Variants in ZNF12 observed in about 807,000 individuals in gnomAD.
The protein encoded by ZNF12 is gonadotropin inducible transcription repressor 3.
A neutral mutation model predicts 66.6 loss-of-function variants in ZNF12; 34 were observed. That is an observed-to-expected ratio of 0.51 (90% CI 0.39 to 0.68). The LOEUF is 0.68. ZNF12 is among the 30% of genes least tolerant of loss of function. ZNF12 has a pLI of 0.00. For synonymous variants in ZNF12, 320 were observed against 278.9 expected, an observed-to-expected ratio of 1.15 and a Z score of -1.47; for missense variants, 697 against 826.9, an observed-to-expected ratio of 0.84 and a Z score of 1.93.
intron 2 of ZNF12, among the ~76,000 whole-genome samples, chr7:6,702,325 CCAGATTCGTCTCCCAA>C (rs1780260739): frequency 6.6e-4 from 7 of 10,634 alleles, no homozygotes; most frequent in African/African-American, 1.5e-3. Context: ...CACACACACA[CCAGATTCGTCTCCCAA>C]ACTACACACA....
chr7:6,706,189 G>C (rs567078316), intron 1 of ZNF12, among the ~76,000 whole-genome samples: 11 of 152,320 alleles, frequency 7.2e-5, no homozygotes, highest in African/African-American at 2.2e-4. Flanking sequence ...GCAATCTGGA[G>C]CAGAGAGAGG....
In ZNF12 at chr7:6,688,894, C is replaced by T. The variant is rs1009133729; in HGVS notation, c.*1954G>A. On this transcript the variant is annotated 3_prime_UTR_variant, in exon 5 of 5. Coordinates refer to ENST00000405858, the MANE Select transcript of ZNF12 (RefSeq NM_016265.4). This position sits in a 1 kb window ranked among gnomAD's most constrained non-coding sequence, Gnocchi z 4.3. Reference sequence around the variant, plus strand: ...AGGAGGTATGCCTAACATTGTGTCACGTTCCAAAGGTGAATTTTGCAGGTC... The same window carrying T: ...AGGAGGTATGCCTAACATTGTGTCATGTTCCAAAGGTGAATTTTGCAGGTC... The T allele has an allele frequency of 1.1e-4, 17 of 152,758 alleles. No individual in the cohort carries two copies. Among genetic ancestry groups the T allele is most frequent in the South Asian group, 4.1e-4 (2 of 4,830 alleles). 9.5% of individuals were successfully genotyped at this position (152,758 alleles called of 1,614,324 possible).
intron 1 of ZNF12, 149 bp downstream of exon 1, chr7:6,706,283 C>A (rs1350302732): frequency 4.9e-6 from 2 of 407,806 alleles, no homozygotes; most frequent in South Asian, 1.7e-5. Context: ...CCGTAAGCCT[C>A]GTCCTCGCCG....
In ZNF12 at chr7:6,691,843, G is replaced by T; in HGVS notation, c.1099C>A (p.His367Asn). 1 of 1,613,948 alleles carries T rather than the reference G, an allele frequency of 6.2e-7. No individual in the cohort carries two copies. ...YCGKSFCQKTHLTQHQRTHSG... is the reference protein window; with the variant it reads ...YCGKSFCQKTNLTQHQRTHSG... Reference sequence around the variant, plus strand: ...TGTGTTCTCTGATGTTGTGTGAGGTGTGTCTTCTGGCAAAAGGATTTTCCA... The same window carrying T: ...TGTGTTCTCTGATGTTGTGTGAGGTTTGTCTTCTGGCAAAAGGATTTTCCA... The change falls in exon 5 of 5, where the codon CAC becomes AAC. Residue 367 changes from histidine (H) to asparagine (N), a missense_variant. Coordinates refer to ENST00000405858, the MANE Select transcript of ZNF12 (RefSeq NM_016265.4).
intron 2 of ZNF12, among the ~76,000 whole-genome samples, chr7:6,702,325 C>CACACACACACACA (rs58794992): frequency 9.4e-5 from 1 of 10,658 alleles, no homozygotes; most frequent in African/African-American, 3.0e-4. Flanking sequence ...CACACACACA[C>CACACACACACACA]CAGATTCGTC....
rs887615607 is a variant in ZNF12 at position 6,696,643 on chromosome 7, C to T, written c.238+696G>A. Among the ~76,000 whole-genome samples, 1 of 152,208 alleles carries T rather than the reference C, an allele frequency of 6.6e-6. No individual in the cohort carries two copies. Among genetic ancestry groups the T allele is most frequent in the African/African-American group, 2.4e-5 (1 of 41,450 alleles). On this transcript the variant is annotated intron_variant, in intron 4 of 4. Transcript: ENST00000405858. The surrounding 1 kb of genome is among the most constrained non-coding windows in gnomAD (Gnocchi z 4.0). ...GGAGGTGGTGGAAGCATAAACCAGA[C>T]TTCATTTGCGTATATGATACTTACT...
intron 2 of ZNF12, among the ~76,000 whole-genome samples, chr7:6,701,426 C>A (rs1780241212): frequency 6.6e-6 from 1 of 152,200 alleles, no homozygotes; most frequent in African/African-American, 2.4e-5. Context: ...AGCCCCAGAA[C>A]AGCAGGTGTC....
chr7:6,698,646 T>C lies in ZNF12; in HGVS notation c.16-835A>G, dbSNP rs1780188369. Among the ~76,000 whole-genome samples, 1 of 152,226 alleles carries C rather than the reference T, an allele frequency of 6.6e-6. No individual in the cohort carries two copies. Among genetic ancestry groups the C allele is most frequent in the African/African-American group, 2.4e-5 (1 of 41,456 alleles). ...AGAATGCAGCCTGTCACATGAATTA[T>C]CAGTAATAGCTTGGTTCAGGTTTTC... On this transcript the variant is annotated intron_variant, in intron 2 of 4. Transcript: ENST00000405858. This position sits in a 1 kb window ranked among gnomAD's most constrained non-coding sequence, Gnocchi z 4.4.
Position 6,705,092 on chromosome 7 carries a change from C to G in ZNF12, c.15+67G>C. Reference sequence around the variant, plus strand: ...ACTTTCCCATTTTAAACTTTGAACCCTTAATCTCCTCCTAAGGTGTATTGT... The same window carrying G: ...ACTTTCCCATTTTAAACTTTGAACCGTTAATCTCCTCCTAAGGTGTATTGT... On this transcript the variant is annotated intron_variant, in intron 2 of 4. Coordinates refer to ENST00000405858, the MANE Select transcript of ZNF12 (RefSeq NM_016265.4). This position sits in a 1 kb window ranked among gnomAD's most constrained non-coding sequence, Gnocchi z 4.0. The G allele has an allele frequency of 6.4e-7, 1 of 1,566,162 alleles. No homozygotes were observed. Among genetic ancestry groups the G allele is most frequent in the South Asian group, 1.2e-5 (1 of 85,300 alleles).
At chr7:6,694,477 C>A (rs141679586) in intron 4 of ZNF12, among the ~76,000 whole-genome samples, 1 of 152,136 alleles carries the variant, frequency 6.6e-6, no homozygotes, top group Non-Finnish European at 1.5e-5. Context: ...TATTCCGTTG[C>A]AGGAAAAGCA....
At position 6,689,162 on chromosome 7, in the gene ZNF12, T is replaced by G. The variant is rs984945172; in HGVS notation, c.*1686A>C. The G allele has an allele frequency of 6.6e-6, 1 of 152,234 alleles. No homozygotes were observed. The highest frequency in any genetic ancestry group is 2.4e-5 in the African/African-American group (1 of 41,464). 9.4% of individuals were successfully genotyped at this position (152,234 alleles called of 1,614,324 possible). A position where few individuals can be genotyped will look rare whatever the true frequency, so the allele number is the denominator to read the frequency against. ...AAATCAACTGGCTTAAAAATAAGTT[T>G]AGTCTCTCACAAAAGAAACAGTCCA... On this transcript the variant is annotated 3_prime_UTR_variant, in exon 5 of 5. Transcript: ENST00000405858.
chr7:6,703,204 T>G (rs564044279), intron 2 of ZNF12, among the ~76,000 whole-genome samples: 2 of 152,304 alleles, frequency 1.3e-5, no homozygotes, highest in Admixed American at 6.5e-5. Flanking sequence ...GCAACCTCAT[T>G]TTCGTAGTAG....
rs760460255 is a variant in ZNF12 at position 6,691,026 on chromosome 7, CCA to C, written c.1914_1915del (p.Cys638TrpfsTer15). ...GTATGACATCCGAGAGAAGGCTTTT[CCA>C]CACTCATTACATTCAAAGGGTTTCT... is the stretch of plus-strand genomic sequence containing the variant. On this transcript the variant is annotated frameshift_variant, in exon 5 of 5. Transcript: ENST00000405858. LOFTEE classifies it high-confidence loss of function. The C allele has an allele frequency of 1.2e-6, 2 of 1,614,090 alleles. No individual in the cohort carries two copies. The highest frequency in any genetic ancestry group is 1.7e-6 in the Non-Finnish European group (2 of 1,180,000).
At chr7:6,704,564 A>C (rs1780317482) in intron 2 of ZNF12, among the ~76,000 whole-genome samples, 1 of 111,308 alleles carries the variant, frequency 9.0e-6, no homozygotes, top group African/African-American at 3.6e-5. Context: ...CCCTGTCTCT[A>C]CTTTAAAAAA....
intron 2 of ZNF12, among the ~76,000 whole-genome samples, chr7:6,703,130 G>A (rs1227137334): frequency 6.6e-6 from 1 of 152,004 alleles, no homozygotes; most frequent in African/African-American, 2.4e-5. Flanking sequence ...TTAAACATCT[G>A]AAACCTAATT....
At position 6,691,088 on chromosome 7, in the gene ZNF12, G is replaced by T. The variant is rs367745547; in HGVS notation, c.1854C>A (p.Ser618=). Residue 618 remains serine (S), a synonymous_variant, in exon 5 of 5, where the codon TCC becomes TCA. Coordinates refer to ENST00000405858, the MANE Select transcript of ZNF12 (RefSeq NM_016265.4). ...GAATTCGATGATGTATAGTGAGATA[G>T]GACATCTGAGAGAAGCACTTCCCAC... is the stretch of plus-strand genomic sequence containing the variant. The part of the protein sequence containing the change: ...YECGKCFSQM[S]YLTIHHRIHS... The T allele has an allele frequency of 1.2e-6, 2 of 1,613,610 alleles. No individual in the cohort carries two copies. The highest frequency in any genetic ancestry group is 2.7e-5 in the African/African-American group (2 of 74,866).
At chr7:6,699,521 G>A (rs1467124950) in intron 2 of ZNF12, among the ~76,000 whole-genome samples, 2 of 152,232 alleles carry the variant, frequency 1.3e-5, no homozygotes, top group African/African-American at 4.8e-5. Context: ...TGCCCCAGCA[G>A]GTGATGAGAA....
chr7:6,688,824 C>T lies in ZNF12; in HGVS notation c.*2024G>A, dbSNP rs1780025716. 1 of 152,530 alleles carries T rather than the reference C, an allele frequency of 6.6e-6. No individual in the cohort carries two copies. Among genetic ancestry groups the T allele is most frequent in the Non-Finnish European group, 1.5e-5 (1 of 68,034 alleles). 9.4% of individuals were successfully genotyped at this position (152,530 alleles called of 1,614,324 possible). ...AACACTGTAGCAGTGGTATATGAAT[C>T]ACATAAATTACCTCCAACAAAATGT... On this transcript the variant is annotated 3_prime_UTR_variant, in exon 5 of 5. Transcript: ENST00000405858. The surrounding 1 kb of genome is among the most constrained non-coding windows in gnomAD (Gnocchi z 4.3).
In ZNF12 at chr7:6,706,668, G is replaced by C; in HGVS notation, c.-287C>G. 2.9e-6 allele frequency: 1 copy of C among 342,074 alleles called. No homozygotes were observed. Among genetic ancestry groups the C allele is most frequent in the Admixed American group, 3.9e-5 (1 of 25,592 alleles). The allele number at this position is 342,074 out of a possible 1,614,324, so 21.2% of individuals were successfully genotyped here. On this transcript the variant is annotated 5_prime_UTR_variant, in exon 1 of 5. Transcript: ENST00000405858. ...GCGGAGCCGGGGCCGGGCCGTCGAG[G>C]ACGCACACGGGCCGGGCCCGGGTCC...
Sources: allele counts gnomAD v4.1 joint callset (sites outside exome capture counted in the v4.1 genomes callset), GRCh38; gene constraint gnomAD v4.1.1; non-coding constraint Gnocchi (gnomAD v3.1); transcripts MANE v1.5; gene names NCBI Gene and HGNC (gene_info 2026-07-23, HGNC 2026-07-21).